The following MID1 variants were observed in gnomAD, a reference collection of about 807,000 sequenced individuals.
The protein encoded by MID1 is midline 1.
MID1 carries 7 observed loss-of-function variants against 40.4 expected under a neutral mutation model. That is an observed-to-expected ratio of 0.17 (90% CI 0.10 to 0.33). The LOEUF (loss-of-function observed/expected upper bound fraction) is 0.33. Ranked by LOEUF, MID1 falls within the 10% of genes least tolerant of loss-of-function variation. The pLI is 1.00. For synonymous variants in MID1, 229 were observed against 221.2 expected (o/e 1.04, Z -0.31); for missense variants, 367 against 558.5 (o/e 0.66, Z 3.46).
At chrX:10,719,289 T>C (rs1299200678) in intron 1 of MID1, among the ~76,000 whole-genome samples, 52 of 111,302 alleles carry the variant, frequency 4.7e-4, no homozygotes, top group African/African-American at 1.5e-3. Context: ...ATTGTGTATC[T>C]AGAAAACCCC....
At chrX:10,563,916 GA>G (rs1389969738) in intron 2 of MID1, among the ~76,000 whole-genome samples, 1 of 112,274 alleles carries the variant, frequency 8.9e-6, no homozygotes, top group Non-Finnish European at 1.9e-5. Context: ...GAGATCTAAT[GA>G]GTAAAATATG....
intron 2 of MID1, among the ~76,000 whole-genome samples, chrX:10,547,534 T>A (rs1405920194): frequency 1.2e-5 from 1 of 84,674 alleles, no homozygotes; most frequent in Non-Finnish European, 2.1e-5. Flanking sequence ...ATCACATCAT[T>A]GCACTCCAGC....
chrX:10,482,211 G>A (rs1366374305), intron 5 of MID1, among the ~76,000 whole-genome samples: 1 of 111,436 alleles, frequency 9.0e-6, no homozygotes, highest in Non-Finnish European at 1.9e-5. Flanking sequence ...CTCCCCCCTC[G>A]TCCAAAAGCA....
intron 7 of MID1, among the ~76,000 whole-genome samples, chrX:10,464,203 CAACATAAAGTTCT>C (rs1929209216): frequency 8.9e-6 from 1 of 112,181 alleles, no homozygotes; most frequent in African/African-American, 3.2e-5. Flanking sequence ...TGGAATCACC[CAACATAAAGTTCT>C]GAGTTCATTA....
At chrX:10,531,565 A>C (rs1932974034) in intron 2 of MID1, among the ~76,000 whole-genome samples, 1 of 112,263 alleles carries the variant, frequency 8.9e-6, no homozygotes, top group Non-Finnish European at 1.9e-5. Context: ...TTTTATTTGA[A>C]ATTTCTATAT....
chrX:10,617,604 C>T (rs1004746467), intron 1 of MID1, among the ~76,000 whole-genome samples: 2 of 111,906 alleles, frequency 1.8e-5, no homozygotes, highest in Non-Finnish European at 1.9e-5. Context: ...GCAATTTTGC[C>T]TAGAGAATCT....
intron 2 of MID1, among the ~76,000 whole-genome samples, chrX:10,525,359 TCAC>T (rs1015204994): frequency 1.3e-4 from 15 of 112,325 alleles, no homozygotes; most frequent in African/African-American, 4.8e-4. Context: ...AGGTTCTTTA[TCAC>T]ATCTCCCTTT....
intron 1 of MID1, among the ~76,000 whole-genome samples, chrX:10,681,103 C>T (rs145898838): frequency 1.7e-3 from 178 of 107,701 alleles, no homozygotes; most frequent in African/African-American, 5.9e-3. Flanking sequence ...TGTTCACAGA[C>T]GTATATATAT....
chrX:10,460,189 T>C (rs766580899), intron 7 of MID1: 2 of 263,432 alleles, frequency 7.6e-6, no homozygotes, highest in Admixed American at 5.5e-5. Context: ...TGTTGACCCT[T>C]TGTGTCTGCC....
intron 1 of MID1, among the ~76,000 whole-genome samples, chrX:10,635,651 T>C (rs779603472): frequency 1.8e-5 from 2 of 111,945 alleles, no homozygotes; most frequent in African/African-American, 6.5e-5. Flanking sequence ...AATGAAAGAA[T>C]TGTCATGCTG....
intron 1 of MID1, among the ~76,000 whole-genome samples, chrX:10,714,234 C>T (rs953257901): frequency 2.7e-5 from 3 of 112,621 alleles, no homozygotes; most frequent in African/African-American, 9.7e-5. Flanking sequence ...GGGGAGAAAG[C>T]CTTCTTTGTG....
chrX:10,447,940 C>A lies in MID1; in HGVS notation c.*1428G>T, dbSNP rs1279456538. 1.8e-5 allele frequency: 2 copies of A among 112,011 alleles called. No homozygotes were observed. The highest frequency in any genetic ancestry group is 3.8e-5 in the Non-Finnish European group (2 of 53,222). The allele number at this position is 112,011 out of a possible 1,213,427, so 9.2% of individuals were successfully genotyped here. A position where few individuals can be genotyped will look rare whatever the true frequency, so the allele number is the denominator to read the frequency against. On this transcript the variant is annotated 3_prime_UTR_variant, in exon 10 of 10. Coordinates refer to ENST00000317552, the MANE Select transcript of MID1 (RefSeq NM_000381.4). Reference sequence around the variant, plus strand: ...CAGGTAAATATTTTAGCAATTGAAACCATTTATAGAGGTCATGCCCTTCAT... The same window carrying A: ...CAGGTAAATATTTTAGCAATTGAAAACATTTATAGAGGTCATGCCCTTCAT...
chrX:10,636,018 T>G (rs1347180182), intron 1 of MID1, among the ~76,000 whole-genome samples: 1 of 112,242 alleles, frequency 8.9e-6, no homozygotes, highest in Non-Finnish European at 1.9e-5. Context: ...ACTATAGATA[T>G]TCCATTTAAT....
chrX:10,517,818 C>T (rs1932525876), intron 3 of MID1, among the ~76,000 whole-genome samples: 1 of 112,515 alleles, frequency 8.9e-6, no homozygotes, highest in Non-Finnish European at 1.9e-5. Context: ...CGCTGCTTCC[C>T]CAGTCCCCAG....
rs1319468361 is a variant in MID1 at position 10,474,693 on chromosome X, G to A, written c.1071C>T (p.Asp357=). Residue 357 remains aspartate, a synonymous_variant, in exon 6 of 10, where the codon GAC becomes GAT. Transcript: ENST00000317552. ...QVLIPEINLN[D]TFDTFALDFS... ...AATCTAAGGCAAAGGTGTCAAATGT[G>A]TCATTGAGGTTGATTTCAGGAATTA... The A allele has an allele frequency of 1.7e-6, 2 of 1,206,731 alleles. No homozygotes were observed. The highest frequency in any genetic ancestry group is 2.3e-4 in the Middle Eastern group (1 of 4,342).
intron 1 of MID1, among the ~76,000 whole-genome samples, chrX:10,812,383 G>T (rs968993262): frequency 1.8e-5 from 2 of 111,512 alleles, no homozygotes; most frequent in Admixed American, 1.9e-4. Flanking sequence ...AAATGACAAA[G>T]AAACTAATTT....
chrX:10,446,506 A>T lies in MID1; in HGVS notation c.*2862T>A, dbSNP rs1432691924. Reference sequence around the variant, plus strand: ...GTCACTTTCTTTTAAAGCTGGAAAGAATCTTCACCCAGGCCCACCCTCATC... The same window carrying T: ...GTCACTTTCTTTTAAAGCTGGAAAGTATCTTCACCCAGGCCCACCCTCATC... On this transcript the variant is annotated 3_prime_UTR_variant, in exon 10 of 10. Coordinates refer to ENST00000317552, the MANE Select transcript of MID1 (RefSeq NM_000381.4). The T allele has an allele frequency of 1.8e-5, 2 of 112,120 alleles. No homozygotes were observed. Among genetic ancestry groups the T allele is most frequent in the Non-Finnish European group, 3.8e-5 (2 of 53,256 alleles). 9.2% of individuals were successfully genotyped at this position (112,120 alleles called of 1,213,427 possible).
At chrX:10,521,477 A>G (rs952624371) in intron 3 of MID1, among the ~76,000 whole-genome samples, 1 of 111,556 alleles carries the variant, frequency 9.0e-6, no homozygotes, top group Non-Finnish European at 1.9e-5. Flanking sequence ...GACATGGGTT[A>G]GAGGAATGGG....
chrX:10,512,338 T>A (rs1264464773), intron 3 of MID1, among the ~76,000 whole-genome samples: 1 of 112,416 alleles, frequency 8.9e-6, no homozygotes. Context: ...AATCTAACTT[T>A]CTAATCACCT....
Sources: gnomAD v4.1 joint callset for allele counts (sites outside exome capture counted in the v4.1 genomes callset) on GRCh38, gnomAD v4.1.1 for gene constraint, MANE v1.5 for transcripts, NCBI Gene and HGNC (gene_info 2026-07-23, HGNC 2026-07-21) for gene names.